EYS: variants seen among roughly 807,000 people sequenced by gnomAD.
EYS encodes protein eyes shut homolog.
In EYS, 250 loss-of-function variants were observed where a neutral mutation model predicts 282.1. That is an observed-to-expected ratio of 0.89 (90% confidence interval 0.80 to 0.98). The LOEUF is 0.98. EYS is among the 50% of genes least tolerant of loss of function. The pLI is 0.00. For synonymous variants in EYS, 1,355 were observed against 1,282.9 expected, an observed-to-expected ratio of 1.06 and a Z score of -1.20; for missense variants, 4,016 against 3,709.0, an observed-to-expected ratio of 1.08 and a Z score of -2.15.
Position 64,643,238 on chromosome 6 carries a change from A to T in EYS, c.3444-16993T>A, listed in dbSNP as rs1768235141. ...TGTGCTTTTATCCATAGAGTGTATA[A>T]TTGGCATCTAAATTTAGATATCAGG... is the stretch of plus-strand genomic sequence containing the variant. On this transcript the variant is annotated intron_variant, in intron 22 of 42. Coordinates refer to ENST00000503581, the MANE Select transcript of EYS (RefSeq NM_001142800.2). 3.9e-5 allele frequency among the ~76,000 whole-genome samples: 6 copies of T among 152,120 alleles called. 1 individual carries two copies. The highest frequency in any genetic ancestry group is 3.3e-4 in the Admixed American group (5 of 15,272).
At chr6:64,785,667 T>C (rs1336929832) in intron 22 of EYS, among the ~76,000 whole-genome samples, 3 of 152,234 alleles carry the variant, frequency 2.0e-5, no homozygotes, top group Non-Finnish European at 2.9e-5. Flanking sequence ...CATGTAATAG[T>C]ATCATAACCT....
intron 35 of EYS, among the ~76,000 whole-genome samples, chr6:63,976,230 G>A (rs144359778): frequency 1.7e-3 from 257 of 152,096 alleles, no homozygotes; most frequent in African/African-American, 5.7e-3. Context: ...GTATATTACC[G>A]TAGACTTTAT....
At chr6:65,571,601 T>C (rs1226383919) in intron 2 of EYS, among the ~76,000 whole-genome samples, 1 of 152,046 alleles carries the variant, frequency 6.6e-6, no homozygotes, top group East Asian at 1.9e-4. Flanking sequence ...TCTGGTCTCC[T>C]ATAGCCATAG....
chr6:64,919,811 T>C (rs1768280417), intron 15 of EYS, among the ~76,000 whole-genome samples: 1 of 152,132 alleles, frequency 6.6e-6, no homozygotes, highest in African/African-American at 2.4e-5. Context: ...AGGTCAGTAT[T>C]TCTAAAAAAC....
At chr6:64,055,984 C>G (rs1256102376) in intron 33 of EYS, among the ~76,000 whole-genome samples, 1 of 152,074 alleles carries the variant, frequency 6.6e-6, no homozygotes, top group African/African-American at 2.4e-5. Flanking sequence ...GGTATGCTGC[C>G]CAGAGGCCCC....
chr6:65,425,387 T>C (rs1263847637), intron 5 of EYS, among the ~76,000 whole-genome samples: 1 of 152,110 alleles, frequency 6.6e-6, no homozygotes, highest in Non-Finnish European at 1.5e-5. Context: ...GTTTTCTTTA[T>C]GTTTTTAGAG....
At chr6:64,568,158 CATA>C (rs1361046425) in intron 26 of EYS, among the ~76,000 whole-genome samples, 5 of 152,074 alleles carry the variant, frequency 3.3e-5, no homozygotes, top group Non-Finnish European at 7.3e-5. Context: ...GAACACTGAT[CATA>C]ATAATTATGT....
intron 7 of EYS, among the ~76,000 whole-genome samples, chr6:65,398,255 CA>C: frequency 6.6e-6 from 1 of 151,436 alleles, no homozygotes; most frequent in Non-Finnish European, 1.5e-5. Context: ...TTATAGTAAC[CA>C]AAACAGCATG....
intron 18 of EYS, among the ~76,000 whole-genome samples, chr6:64,892,255 G>C (rs1767314021): frequency 6.6e-6 from 1 of 151,854 alleles, no homozygotes; most frequent in East Asian, 1.9e-4. Context: ...TTAATAAGTA[G>C]ATGTATTATT....
At chr6:65,452,750 T>C (rs1434022967) in intron 5 of EYS, among the ~76,000 whole-genome samples, 1 of 151,988 alleles carries the variant, frequency 6.6e-6, no homozygotes, top group Non-Finnish European at 1.5e-5. Flanking sequence ...GTCCAAGATA[T>C]TGGTCTTCTT....
At chr6:64,863,833 G>A (rs1012623145) in intron 19 of EYS, among the ~76,000 whole-genome samples, 2 of 152,072 alleles carry the variant, frequency 1.3e-5, no homozygotes, top group Admixed American at 6.6e-5. Context: ...TCTAGGGCTC[G>A]TGCATATTTT....
At chr6:63,856,407 A>G (rs1440334143) in intron 36 of EYS, among the ~76,000 whole-genome samples, 1 of 152,192 alleles carries the variant, frequency 6.6e-6, no homozygotes, top group Non-Finnish European at 1.5e-5. Context: ...GTTGCTAAAT[A>G]ATGACAAAGT....
intron 28 of EYS, among the ~76,000 whole-genome samples, chr6:64,422,547 TTC>T (rs1033822671): frequency 6.6e-6 from 1 of 152,208 alleles, no homozygotes; most frequent in African/African-American, 2.4e-5. Flanking sequence ...ACATGGAACT[TTC>T]TGTTGTGAAG....
At chr6:64,554,863 C>T (rs1321425000) in intron 26 of EYS, among the ~76,000 whole-genome samples, 2 of 151,856 alleles carry the variant, frequency 1.3e-5, no homozygotes, top group African/African-American at 4.8e-5. Context: ...ATCAAAAAGA[C>T]AAAAAGTAGC....
intron 41 of EYS, among the ~76,000 whole-genome samples, chr6:63,727,706 CAAAAAAAAAAAAAAAAA>C (rs1169878020): frequency 1.1e-4 from 1 of 9,520 alleles, no homozygotes; most frequent in African/African-American, 5.5e-4. Context: ...CACCATCTCT[CAAAAAAAAAAAAAAAAA>C]AAAAAAAAAA....
At chr6:63,896,856 C>T (rs983505638) in intron 35 of EYS, among the ~76,000 whole-genome samples, 3 of 152,048 alleles carry the variant, frequency 2.0e-5, no homozygotes, top group Non-Finnish European at 2.9e-5. Flanking sequence ...TATGTATTTA[C>T]GGTTCCTCTA....
chr6:64,880,971 G>A (rs973714217), intron 19 of EYS, among the ~76,000 whole-genome samples: 1 of 151,034 alleles, frequency 6.6e-6, no homozygotes, highest in African/African-American at 2.4e-5. Flanking sequence ...CTTTCTGTCA[G>A]AACTTTGAGA....
At chr6:64,268,437 AATGATTTACATAT>A (rs1482523269) in intron 30 of EYS, among the ~76,000 whole-genome samples, 1 of 152,070 alleles carries the variant, frequency 6.6e-6, no homozygotes, top group African/African-American at 2.4e-5. Context: ...GGGTAATTAA[AATGATTTACATAT>A]ATGATTTACA....
At chr6:65,201,387 C>T (rs1765896736) in intron 12 of EYS, among the ~76,000 whole-genome samples, 1 of 152,006 alleles carries the variant, frequency 6.6e-6, no homozygotes. Context: ...GTAAATATGC[C>T]TGATATATTT....
Sources: gnomAD v4.1 joint callset for allele counts (sites outside exome capture counted in the v4.1 genomes callset) on GRCh38, gnomAD v4.1.1 for gene constraint, MANE v1.5 for transcripts, NCBI Gene and HGNC (gene_info 2026-07-23, HGNC 2026-07-21) for gene names.